The following PPARGC1B variants were observed in gnomAD, a reference collection of about 807,000 sequenced individuals.
PPARGC1B encodes the protein peroxisome proliferator-activated receptor gamma coactivator 1-beta.
Under a neutral mutation model 101.6 loss-of-function variants are expected in PPARGC1B, and 34 were observed. The ratio of observed to expected loss-of-function variants is 0.33; its 90% CI spans 0.25 to 0.45. The LOEUF (loss-of-function observed/expected upper bound fraction) is 0.45. Among genes scored for constraint, PPARGC1B ranks in the 20% least tolerant of loss-of-function variants. PPARGC1B has a pLI of 1.00. For missense variants in PPARGC1B, 1,234 were observed against 1,317.6 expected (o/e 0.94, Z 0.98); for synonymous variants, 548 against 539.3 (o/e 1.02, Z -0.22).
chr5:149,732,088 CGCGCGCCGG>C (rs1169704994), intron 1 of PPARGC1B, among the ~76,000 whole-genome samples: 6 of 151,676 alleles, frequency 4.0e-5, no homozygotes, highest in Admixed American at 3.3e-4. Flanking sequence ...GCACACGCCG[CGCGCGCCGG>C]GCGCGTACCT....
At chr5:149,781,967 C>A (rs1043505223) in intron 1 of PPARGC1B, among the ~76,000 whole-genome samples, 11 of 151,964 alleles carry the variant, frequency 7.2e-5, no homozygotes, top group Non-Finnish European at 1.3e-4. Flanking sequence ...AAGCAAGTGA[C>A]TCAGTAAATG....
At chr5:149,792,694 G>A (rs13158830) in intron 1 of PPARGC1B, among the ~76,000 whole-genome samples, 16,671 of 152,198 alleles carry the variant, frequency 0.11, 1,059 homozygotes, top group East Asian at 0.24. Context: ...ATGTGCTGAT[G>A]AAGGATAAGA....
At chr5:149,788,044 G>A (rs1262073519) in intron 1 of PPARGC1B, among the ~76,000 whole-genome samples, 3 of 152,182 alleles carry the variant, frequency 2.0e-5, no homozygotes, top group Non-Finnish European at 2.9e-5. Context: ...AACACCAAAA[G>A]CAATGGCAAC....
chr5:149,819,909 A>G (rs1758213763), intron 1 of PPARGC1B, among the ~76,000 whole-genome samples: 1 of 152,228 alleles, frequency 6.6e-6, no homozygotes, highest in African/African-American at 2.4e-5. Context: ...TCCATCGTAT[A>G]TTACATCATA....
At chr5:149,778,496 T>C (rs1434514964) in intron 1 of PPARGC1B, among the ~76,000 whole-genome samples, 1 of 152,024 alleles carries the variant, frequency 6.6e-6, no homozygotes, top group East Asian at 1.9e-4. Flanking sequence ...AGTACCTGCA[T>C]CCCTGCCATC....
intron 7 of PPARGC1B, among the ~76,000 whole-genome samples, chr5:149,835,974 T>C (rs1396055338): frequency 1.3e-5 from 2 of 150,740 alleles, no homozygotes; most frequent in South Asian, 2.1e-4. Flanking sequence ...TTTTTTTTTT[T>C]TGAGACATAG....
At chr5:149,834,825 C>G (rs1193648685) in intron 6 of PPARGC1B, 115 bp downstream of exon 6, 1 of 891,310 alleles carries the variant, frequency 1.1e-6, no homozygotes, top group African/African-American at 1.7e-5. Context: ...GGCCCCACAC[C>G]CTGTGCCCTG....
intron 10 of PPARGC1B, among the ~76,000 whole-genome samples, chr5:149,844,581 G>A (rs893161322): frequency 1.3e-5 from 2 of 152,244 alleles, no homozygotes; most frequent in Non-Finnish European, 2.9e-5. Flanking sequence ...AGAGGCTACA[G>A]TGAGCTGGGA....
At chr5:149,844,446 C>T (rs1370268535) in intron 10 of PPARGC1B, among the ~76,000 whole-genome samples, 3 of 152,264 alleles carry the variant, frequency 2.0e-5, no homozygotes, top group African/African-American at 7.2e-5. Context: ...GAGACCAACC[C>T]GGCCAACATG....
intron 1 of PPARGC1B, among the ~76,000 whole-genome samples, chr5:149,797,939 A>G (rs1358303892): frequency 6.6e-6 from 1 of 152,120 alleles, no homozygotes; most frequent in African/African-American, 2.4e-5. Flanking sequence ...CCAAAAAACA[A>G]TTCATTTATT....
At chr5:149,831,984 A>G (rs764065375) in intron 4 of PPARGC1B, among the ~76,000 whole-genome samples, 8 of 152,190 alleles carry the variant, frequency 5.3e-5, no homozygotes, top group African/African-American at 1.7e-4. Context: ...TACCCATGCA[A>G]TTGTGACCAT....
intron 1 of PPARGC1B, among the ~76,000 whole-genome samples, chr5:149,812,466 A>G (rs1373571048): frequency 1.3e-5 from 2 of 152,208 alleles, no homozygotes; most frequent in African/African-American, 2.4e-5. Flanking sequence ...TGAATAAGTT[A>G]TCACTTTTTC....
At chr5:149,829,688 G>GA (rs763013635) in intron 3 of PPARGC1B, among the ~76,000 whole-genome samples, 2,868 of 122,190 alleles carry the variant, frequency 0.023, 66 homozygotes, top group African/African-American at 0.074. Flanking sequence ...AGTTTTTATA[G>GA]AAAAAAAAAA....
At chr5:149,790,587 T>A (rs1426371434) in intron 1 of PPARGC1B, among the ~76,000 whole-genome samples, 1 of 152,180 alleles carries the variant, frequency 6.6e-6, no homozygotes, top group Non-Finnish European at 1.5e-5. Flanking sequence ...TTGAGAGAGA[T>A]TCTGATTCTA....
At position 149,852,494 on chromosome 5, in the gene PPARGC1B, C is replaced by T. The variant is rs1759803041; in HGVS notation, c.*4936C>T. ...TAGGTTCAATCCCACTGTGTCCTGGCTGAGTTGCCTTATCCAAGAAGACCA... is the reference window on the plus strand; with the variant it reads ...TAGGTTCAATCCCACTGTGTCCTGGTTGAGTTGCCTTATCCAAGAAGACCA... On this transcript the variant is annotated 3_prime_UTR_variant, in exon 12 of 12. Coordinates refer to ENST00000309241, the MANE Select transcript of PPARGC1B (RefSeq NM_133263.4). 6.6e-6 allele frequency: 1 copy of T among 152,160 alleles called. No individual in the cohort carries two copies. The highest frequency in any genetic ancestry group is 2.4e-5 in the African/African-American group (1 of 41,448). The allele number at this position is 152,160 out of a possible 1,614,324, so 9.4% of individuals were successfully genotyped here.
intron 1 of PPARGC1B, among the ~76,000 whole-genome samples, chr5:149,772,508 AGG>A (rs1756171412): frequency 3.3e-5 from 5 of 152,144 alleles, no homozygotes; most frequent in Admixed American, 3.3e-4. Flanking sequence ...ACAATTCTGA[AGG>A]CCAGAAGTCT....
At position 149,774,031 on chromosome 5, in the gene PPARGC1B, A is replaced by C. The variant is rs530187019; in HGVS notation, c.78+43611A>C. Reference sequence around the variant, plus strand: ...TGGTGAGCCTCAGGGCTCCAGCCTGAGCCCTCCTGCTTTGGCCACTGTAGC... The same window carrying C: ...TGGTGAGCCTCAGGGCTCCAGCCTGCGCCCTCCTGCTTTGGCCACTGTAGC... On this transcript the variant is annotated intron_variant, in intron 1 of 11. Coordinates refer to ENST00000309241, the MANE Select transcript of PPARGC1B (RefSeq NM_133263.4). Among the ~76,000 whole-genome samples the C allele has an allele frequency of 4.6e-5, 7 of 152,316 alleles. No homozygotes were observed. In the East Asian group the frequency reaches 1.3e-3, roughly 29 times the overall value.
rs772416162 is a variant in PPARGC1B at position 149,840,130 on chromosome 5, G to A, written c.2694+14G>A. On this transcript the variant is annotated intron_variant, in intron 9 of 11. Transcript: ENST00000309241. ...GAAAAGGCCATTGTAAGTGATCTGG[G>A]GGCCCAGAGCCTGGAGTGAATGGGA... The A allele has an allele frequency of 1.9e-6, 3 of 1,607,592 alleles. No individual in the cohort carries two copies. The highest frequency in any genetic ancestry group is 1.3e-5 in the African/African-American group (1 of 74,946).
Position 149,836,136 on chromosome 5 carries a change from ACCTCAC to A in PPARGC1B, c.1808-122_1808-117del, listed in dbSNP as rs1034796162. The A allele has an allele frequency of 2.2e-5, 17 of 782,798 alleles. No individual in the cohort carries two copies. In the African/African-American group the frequency reaches 2.4e-4, roughly 11 times the overall value. 48.5% of individuals were successfully genotyped at this position (782,798 alleles called of 1,614,324 possible). On this transcript the variant is annotated intron_variant, in intron 7 of 11. Coordinates refer to ENST00000309241, the MANE Select transcript of PPARGC1B (RefSeq NM_133263.4). ...GCTCCTGGCCTCAAGTAATCCACCC[ACCTCAC>A]CCTCCCAAAATGTTGGGATTATAGG...
Sources: allele counts gnomAD v4.1 joint callset (sites outside exome capture counted in the v4.1 genomes callset), GRCh38; gene constraint gnomAD v4.1.1; transcripts MANE v1.5; gene names NCBI Gene and HGNC (gene_info 2026-07-23, HGNC 2026-07-21).